Variants in ZNF438 observed in about 807,000 individuals in gnomAD.
ZNF438 encodes the protein zinc finger protein 438.
ZNF438 carries 25 observed loss-of-function variants against 38.0 expected under a neutral mutation model. The ratio of observed to expected loss-of-function variants is 0.66; its 90% confidence interval spans 0.48 to 0.92. The LOEUF (loss-of-function observed/expected upper bound fraction) is 0.92, where lower values mean the gene tolerates loss of function less well. Among genes scored for constraint, ZNF438 ranks in the 40% least tolerant of loss-of-function variants. ZNF438 has a pLI of 0.00. For synonymous variants in ZNF438, 372 were observed against 364.1 expected (o/e 1.02, Z -0.25); for missense variants, 1,007 against 999.6 (o/e 1.01, Z -0.10).
At chr10:30,969,159 A>T (rs2050471918) in intron 1 of ZNF438, among the ~76,000 whole-genome samples, 1 of 152,188 alleles carries the variant, frequency 6.6e-6, no homozygotes, top group South Asian at 2.1e-4. Flanking sequence ...CAAAAAAAAT[A>T]AAAGAATATG....
At chr10:30,985,276 AG>A (rs1441677294) in intron 1 of ZNF438, among the ~76,000 whole-genome samples, 1 of 152,226 alleles carries the variant, frequency 6.6e-6, no homozygotes, top group Admixed American at 6.5e-5. Flanking sequence ...GCTCATGGCT[AG>A]CTTAAAGACA....
chr10:30,871,399 C>A (rs902497739), intron 4 of ZNF438, among the ~76,000 whole-genome samples: 1 of 152,090 alleles, frequency 6.6e-6, no homozygotes, highest in Non-Finnish European at 1.5e-5. Context: ...GAGTTTAAAG[C>A]ATTTTATACA....
chr10:30,932,038 C>T (rs1005319340), intron 2 of ZNF438, among the ~76,000 whole-genome samples: 23 of 152,088 alleles, frequency 1.5e-4, no homozygotes, highest in Non-Finnish European at 2.6e-4. Flanking sequence ...GACACTCTCC[C>T]TGGAGTAACT....
chr10:31,014,762 C>G (rs774066599), intron 1 of ZNF438, among the ~76,000 whole-genome samples: 1 of 152,052 alleles, frequency 6.6e-6, no homozygotes, highest in Non-Finnish European at 1.5e-5. Context: ...ATAAGATAAA[C>G]GCTTAAAACA....
intron 2 of ZNF438, among the ~76,000 whole-genome samples, chr10:30,931,025 C>T (rs76540695): frequency 0.016 from 2,392 of 152,210 alleles, 59 homozygotes; most frequent in African/African-American, 0.054. Context: ...CTATGCCCCT[C>T]TACTGGAGCA....
intron 5 of ZNF438, among the ~76,000 whole-genome samples, chr10:30,846,529 G>A (rs2032149662): frequency 6.6e-6 from 1 of 152,236 alleles, no homozygotes. Context: ...GGGGCCCTGA[G>A]GCAGAGCTGG....
At chr10:30,983,113 A>G (rs564569535) in intron 1 of ZNF438, among the ~76,000 whole-genome samples, 1 of 152,350 alleles carries the variant, frequency 6.6e-6, no homozygotes, top group East Asian at 1.9e-4. Context: ...AACCATTTAA[A>G]GGGCCTGCTT....
At chr10:30,859,076 C>T (rs1430797592) in intron 4 of ZNF438, among the ~76,000 whole-genome samples, 4 of 151,972 alleles carry the variant, frequency 2.6e-5, no homozygotes, top group African/African-American at 4.8e-5. Context: ...AATTAGGAAC[C>T]ACTGTTGTAT....
intron 1 of ZNF438, among the ~76,000 whole-genome samples, chr10:30,983,962 C>T (rs1265778279): frequency 6.6e-6 from 1 of 152,112 alleles, no homozygotes; most frequent in Non-Finnish European, 1.5e-5. Flanking sequence ...TGATTAATTT[C>T]TAATTGATTA....
chr10:30,988,199 A>G (rs2053064468), intron 1 of ZNF438, among the ~76,000 whole-genome samples: 1 of 152,180 alleles, frequency 6.6e-6, no homozygotes, highest in Non-Finnish European at 1.5e-5. Context: ...ACAAAATAAA[A>G]TTTAATAGAA....
intron 3 of ZNF438, among the ~76,000 whole-genome samples, chr10:30,894,598 A>G (rs1048438972): frequency 6.6e-6 from 1 of 152,208 alleles, no homozygotes; most frequent in Non-Finnish European, 1.5e-5. Context: ...AAGGAGAACT[A>G]TCAACATCTG....
intron 4 of ZNF438, among the ~76,000 whole-genome samples, chr10:30,865,300 A>G (rs2036251983): frequency 6.6e-6 from 1 of 152,238 alleles, no homozygotes; most frequent in Admixed American, 6.5e-5. Context: ...GCAATACCCT[A>G]CAGCACTGTA....
chr10:30,939,665 C>T (rs1011844195), intron 2 of ZNF438, among the ~76,000 whole-genome samples: 1 of 152,198 alleles, frequency 6.6e-6, no homozygotes, highest in African/African-American at 2.4e-5. Flanking sequence ...CCTGTAACTA[C>T]TGAAAACCAA....
chr10:30,941,109 T>C (rs550820617), intron 2 of ZNF438, among the ~76,000 whole-genome samples: 25 of 152,312 alleles, frequency 1.6e-4, no homozygotes, highest in Non-Finnish European at 3.4e-4. Context: ...TCTCGTTCTG[T>C]TGCCCAGGCT....
At chr10:30,948,142 G>A (rs1398308550) in intron 1 of ZNF438, among the ~76,000 whole-genome samples, 5 of 152,008 alleles carry the variant, frequency 3.3e-5, no homozygotes, top group Admixed American at 6.6e-5. Flanking sequence ...GGGGCACACC[G>A]ACATCTCACA....
At chr10:30,917,611 G>A (rs2043802434) in intron 2 of ZNF438, among the ~76,000 whole-genome samples, 1 of 152,124 alleles carries the variant, frequency 6.6e-6, no homozygotes, top group Admixed American at 6.5e-5. Flanking sequence ...CAGTGTCTGT[G>A]TTACAAAGTG....
chr10:30,870,498 T>A (rs556045028), intron 4 of ZNF438, among the ~76,000 whole-genome samples: 2 of 152,296 alleles, frequency 1.3e-5, no homozygotes, highest in African/African-American at 4.8e-5. Context: ...TCCAGCATAG[T>A]GCTGGGTGCT....
At chr10:30,929,484 C>T (rs572551870) in intron 2 of ZNF438, among the ~76,000 whole-genome samples, 6 of 152,302 alleles carry the variant, frequency 3.9e-5, no homozygotes, top group South Asian at 4.1e-4. Context: ...TGCAGATCTT[C>T]GCGGTGATTG....
chr10:30,857,601 C>T, intron 4 of ZNF438: 4 of 1,178,278 alleles, frequency 3.4e-6, no homozygotes, highest in South Asian at 1.5e-5. Context: ...TGAAAGCCCA[C>T]TTATTAGAGA....
Sources: gnomAD v4.1 joint callset for allele counts (sites outside exome capture counted in the v4.1 genomes callset) on GRCh38, gnomAD v4.1.1 for gene constraint, MANE v1.5 for transcripts, NCBI Gene and HGNC (gene_info 2026-07-23, HGNC 2026-07-21) for gene names.